The following ADGRL3 variants were observed in gnomAD, a reference collection of about 807,000 sequenced individuals.
ADGRL3 encodes the protein calcium-independent alpha-latrotoxin receptor 3.
ADGRL3 carries 62 observed loss-of-function variants against 153.5 expected under a neutral mutation model. The ratio of observed to expected loss-of-function variants is 0.40; its 90% CI spans 0.33 to 0.50. The LOEUF is 0.50. Ranked by LOEUF, ADGRL3 falls within the 20% of genes least tolerant of loss-of-function variation. ADGRL3 has a pLI of 0.47. For synonymous variants in ADGRL3, 710 were observed against 672.5 expected (o/e 1.06, Z -0.86); for missense variants, 1,641 against 1,859.4 (o/e 0.88, Z 2.16).
intron 6 of ADGRL3, among the ~76,000 whole-genome samples, chr4:61,724,761 C>T (rs2096297293): frequency 6.6e-6 from 1 of 152,088 alleles, no homozygotes; most frequent in Non-Finnish European, 1.5e-5. Context: ...ATTGAATGAA[C>T]TTCACATTTT....
At chr4:61,358,356 G>A (rs2096217634) in intron 1 of ADGRL3, among the ~76,000 whole-genome samples, 1 of 152,040 alleles carries the variant, frequency 6.6e-6, no homozygotes, top group Non-Finnish European at 1.5e-5. Context: ...CCAGCACTTT[G>A]GGAGGCCAAG....
At chr4:61,906,502 C>G (rs1025550684) in intron 11 of ADGRL3, 6 of 152,094 alleles carry the variant, frequency 3.9e-5, no homozygotes, top group Non-Finnish European at 8.8e-5. Context: ...CATAAACAAG[C>G]TGGAATCAAC....
intron 15 of ADGRL3, among the ~76,000 whole-genome samples, chr4:61,945,638 G>A (rs1203232189): frequency 7.2e-6 from 1 of 139,532 alleles, no homozygotes; most frequent in African/African-American, 2.7e-5. Flanking sequence ...TAGTCTCGTG[G>A]TGCGCCGTTT....
At chr4:61,318,037 C>T (rs1021882449) in intron 1 of ADGRL3, among the ~76,000 whole-genome samples, 6 of 151,458 alleles carry the variant, frequency 4.0e-5, no homozygotes, top group African/African-American at 1.2e-4. Context: ...ATTAGCTGGG[C>T]GTGGTGGCAC....
chr4:61,878,286 T>A (rs1300744026), intron 9 of ADGRL3, among the ~76,000 whole-genome samples: 2 of 152,136 alleles, frequency 1.3e-5, no homozygotes, highest in Non-Finnish European at 2.9e-5. Context: ...CATTCTGAAG[T>A]ACTCAAGATT....
At chr4:61,980,741 A>G (rs2099065447) in intron 18 of ADGRL3, among the ~76,000 whole-genome samples, 1 of 152,064 alleles carries the variant, frequency 6.6e-6, no homozygotes, top group Non-Finnish European at 1.5e-5. Context: ...ATGCCTGGCC[A>G]AGGCTTCTCT....
chr4:61,345,717 T>C (rs957386548), intron 1 of ADGRL3, among the ~76,000 whole-genome samples: 7 of 152,206 alleles, frequency 4.6e-5, no homozygotes, highest in Admixed American at 2.0e-4. Context: ...TTTTGTCCTC[T>C]TACAAAATGT....
At chr4:61,784,668 A>G (rs934435923) in intron 8 of ADGRL3, among the ~76,000 whole-genome samples, 5 of 152,130 alleles carry the variant, frequency 3.3e-5, no homozygotes, top group African/African-American at 1.2e-4. Context: ...ATTTGGTCAG[A>G]ACACTTCCTA....
intron 5 of ADGRL3, among the ~76,000 whole-genome samples, chr4:61,615,911 A>G (rs2091947496): frequency 6.6e-6 from 1 of 152,126 alleles, no homozygotes; most frequent in Non-Finnish European, 1.5e-5. Context: ...TTCCTTAGAG[A>G]CACCTTGAGA....
intron 6 of ADGRL3, among the ~76,000 whole-genome samples, chr4:61,728,104 G>T (rs2096379969): frequency 6.6e-6 from 1 of 152,038 alleles, no homozygotes; most frequent in Non-Finnish European, 1.5e-5. Flanking sequence ...GCCGGTTTTT[G>T]TTATGGGAAT....
chr4:61,814,480 C>A (rs1184460171), intron 9 of ADGRL3, among the ~76,000 whole-genome samples: 1 of 152,010 alleles, frequency 6.6e-6, no homozygotes, highest in South Asian at 2.1e-4. Flanking sequence ...ATTTAATCCT[C>A]CTGCTTTTAA....
chr4:61,262,887 GAGA>G (rs2092625374), intron 1 of ADGRL3, among the ~76,000 whole-genome samples: 1 of 152,036 alleles, frequency 6.6e-6, no homozygotes, highest in Non-Finnish European at 1.5e-5. Context: ...AACTCAACCA[GAGA>G]AGGATATATC....
At chr4:61,280,181 C>T (rs1310259107) in intron 1 of ADGRL3, among the ~76,000 whole-genome samples, 1 of 148,222 alleles carries the variant, frequency 6.7e-6, no homozygotes, top group Non-Finnish European at 1.5e-5. Context: ...GTGATCTCAG[C>T]TCACTGCAAC....
At chr4:61,313,435 G>T (rs938050735) in intron 1 of ADGRL3, among the ~76,000 whole-genome samples, 2 of 152,154 alleles carry the variant, frequency 1.3e-5, no homozygotes, top group African/African-American at 4.8e-5. Flanking sequence ...AGTAAAAAAT[G>T]TACCACAGGA....
intron 5 of ADGRL3, among the ~76,000 whole-genome samples, chr4:61,646,609 C>G (rs1482201986): frequency 7.2e-5 from 11 of 151,768 alleles, no homozygotes; most frequent in African/African-American, 2.7e-4. Context: ...GGTCAGGGAC[C>G]CACTTGAGGA....
intron 5 of ADGRL3, among the ~76,000 whole-genome samples, chr4:61,645,590 C>G (rs549713983): frequency 6.6e-6 from 1 of 152,264 alleles, no homozygotes; most frequent in Admixed American, 6.5e-5. Context: ...AAATTCTTTT[C>G]TTTAACAATG....
At chr4:61,939,583 C>T (rs1165186200) in intron 15 of ADGRL3, among the ~76,000 whole-genome samples, 3 of 152,002 alleles carry the variant, frequency 2.0e-5, no homozygotes, top group Non-Finnish European at 4.4e-5. Context: ...GATTCTCCTG[C>T]CTCAGCCTCC....
chr4:62,030,730 A>C (rs1043579028), intron 22 of ADGRL3, among the ~76,000 whole-genome samples: 16 of 151,522 alleles, frequency 1.1e-4, no homozygotes, highest in African/African-American at 3.9e-4. Context: ...AGCCTTCAAA[A>C]TTTTTTTCAA....
At chr4:61,255,298 T>TAGAA (rs2091854249) in intron 1 of ADGRL3, among the ~76,000 whole-genome samples, 1 of 152,022 alleles carries the variant, frequency 6.6e-6, no homozygotes, top group Admixed American at 6.6e-5. Flanking sequence ...TGCGCTAGAG[T>TAGAA]TTTCGAAATG....
Sources: gnomAD v4.1 joint callset for allele counts (sites outside exome capture counted in the v4.1 genomes callset) on GRCh38, gnomAD v4.1.1 for gene constraint, MANE v1.5 for transcripts, NCBI Gene and HGNC (gene_info 2026-07-23, HGNC 2026-07-21) for gene names.